STX8: variants seen among roughly 807,000 people sequenced by gnomAD.
STX8 encodes the protein syntaxin 8.
STX8 carries 23 observed loss-of-function variants against 37.5 expected under a neutral mutation model. The observed-to-expected ratio is 0.61, with a 90% CI of 0.44 to 0.87. STX8 has a LOEUF of 0.87. Ranked by LOEUF, STX8 falls within the 40% of genes least tolerant of loss-of-function variation. STX8 has a pLI of 0.00. For synonymous variants in STX8, 115 were observed against 99.1 expected (o/e 1.16, Z -0.95); for missense variants, 313 against 284.7 (o/e 1.10, Z -0.71).
At chr17:9,476,573 C>G (rs190883711) in intron 6 of STX8, among the ~76,000 whole-genome samples, 70 of 152,110 alleles carry the variant, frequency 4.6e-4, no homozygotes, top group African/African-American at 1.6e-3. Context: ...CTGGCTCAGC[C>G]TCCCAAGTAG....
chr17:9,531,600 G>T lies in STX8; in HGVS notation c.323+13572C>A, dbSNP rs77569943. On this transcript the variant is annotated intron_variant, in intron 4 of 7. Transcript: ENST00000306357. ...CATTACAGTATTAAACTTTACCATGGGTATATATTCACAAGTAAAAATATA... is the reference window on the plus strand; with the variant it reads ...CATTACAGTATTAAACTTTACCATGTGTATATATTCACAAGTAAAAATATA... 8.2e-3 allele frequency among the ~76,000 whole-genome samples: 1,254 copies of T among 152,056 alleles called. 23 individuals carry two copies. The highest frequency in any genetic ancestry group is 0.028 in the African/African-American group (1,165 of 41,460).
intron 7 of STX8, among the ~76,000 whole-genome samples, chr17:9,317,636 G>A (rs914921670): frequency 6.6e-6 from 1 of 152,054 alleles, no homozygotes; most frequent in Non-Finnish European, 1.5e-5. Context: ...CATGGTGGCA[G>A]GCACCTGTAG....
At position 9,518,695 on chromosome 17, in the gene STX8, C is replaced by T. The variant is rs561721212; in HGVS notation, c.324-13533G>A. 2.0e-3 allele frequency among the ~76,000 whole-genome samples: 306 copies of T among 151,962 alleles called. 2 individuals are homozygous for T. Among genetic ancestry groups the T allele is most frequent in the Non-Finnish European group, 3.6e-3 (246 of 67,958 alleles). On this transcript the variant is annotated intron_variant, in intron 4 of 7. Coordinates refer to ENST00000306357, the MANE Select transcript of STX8 (RefSeq NM_004853.3). ...CAGCCTGGCCAACATGGTGAAACCC[C>T]GTCTCTACTAAAAATACAAAAAATT...
chr17:9,414,120 A>ACCCATCTG, intron 6 of STX8, among the ~76,000 whole-genome samples: 1 of 8,740 alleles, frequency 1.1e-4, no homozygotes, highest in South Asian at 4.8e-3. Flanking sequence ...CCATCCATCC[A>ACCCATCTG]TCCATCCAAC....
Position 9,471,031 on chromosome 17 carries a change from C to CTTTTTTTTTTTTTTTTTTTTTT in STX8, c.541+20776_541+20797dup, listed in dbSNP as rs757411419. On this transcript the variant is annotated intron_variant, in intron 6 of 7. Coordinates refer to ENST00000306357, the MANE Select transcript of STX8 (RefSeq NM_004853.3). ...TACAGGCGTGAGCCACTGCATCCTG[C>CTTTTTTTTTTTTTTTTTTTTTT]TTTTTTTTTTTTTTTTTTTTTTTGA... Among the ~76,000 whole-genome samples, 55 of 33,054 alleles carry CTTTTTTTTTTTTTTTTTTTTTT rather than the reference C, an allele frequency of 1.7e-3. 10 individuals carry two copies. The highest frequency in any genetic ancestry group is 6.6e-3 in the East Asian group (7 of 1,066). 21.7% of individuals were successfully genotyped at this position (33,054 alleles called of 152,430 possible). A position where few individuals can be genotyped will look rare whatever the true frequency, so the allele number is the denominator to read the frequency against.
At chr17:9,393,297 G>A (rs1209892639) in intron 6 of STX8, among the ~76,000 whole-genome samples, 1 of 152,136 alleles carries the variant, frequency 6.6e-6, no homozygotes, top group Non-Finnish European at 1.5e-5. Flanking sequence ...TACTCTAGAC[G>A]AAGAAGTACT....
At chr17:9,320,905 A>C (rs1909553713) in intron 7 of STX8, among the ~76,000 whole-genome samples, 1 of 151,884 alleles carries the variant, frequency 6.6e-6, no homozygotes, top group African/African-American at 2.4e-5. Flanking sequence ...TTCCAAAAAA[A>C]AAAAAGAAAG....
intron 7 of STX8, among the ~76,000 whole-genome samples, chr17:9,312,200 TTTTTTTG>T (rs946538934): frequency 4.6e-5 from 7 of 150,936 alleles, no homozygotes; most frequent in African/African-American, 1.7e-4. Context: ...AGACTCTTTT[TTTTTTTG>T]TTTTTTGTTT....
At position 9,352,013 on chromosome 17, in the gene STX8, C is replaced by T. The variant is rs147877584; in HGVS notation, c.643+26539G>A. On this transcript the variant is annotated intron_variant, in intron 7 of 7. Coordinates refer to ENST00000306357, the MANE Select transcript of STX8 (RefSeq NM_004853.3). The stretch of plus-strand genomic sequence containing the variant: ...AAAAATACAAAAAATTAGCTGGGTA[C>T]GGTGGTGTGCGCCTATAGTCCCAGC... 3.4e-4 allele frequency among the ~76,000 whole-genome samples: 51 copies of T among 151,672 alleles called. No homozygotes were observed. The Middle Eastern group carries it at 0.01, about 31-fold the overall frequency.
intron 7 of STX8, among the ~76,000 whole-genome samples, chr17:9,265,976 A>C (rs1907217893): frequency 6.6e-6 from 1 of 152,142 alleles, no homozygotes. Context: ...CTTTCCCTCG[A>C]GTCCTAGGGA....
At chr17:9,355,036 C>T (rs948671872) in intron 7 of STX8, among the ~76,000 whole-genome samples, 3 of 152,210 alleles carry the variant, frequency 2.0e-5, no homozygotes, top group African/African-American at 4.8e-5. Context: ...TTGTCCCCTA[C>T]CTCCCACCCC....
intron 4 of STX8, among the ~76,000 whole-genome samples, chr17:9,519,841 T>G (rs144669538): frequency 0.011 from 1,598 of 143,710 alleles, 23 homozygotes; most frequent in African/African-American, 0.038. Context: ...ATTCTATTCA[T>G]TCCCCTAAGG....
chr17:9,506,405 G>GCCC (rs1471640649), intron 4 of STX8, among the ~76,000 whole-genome samples: 44 of 8,920 alleles, frequency 4.9e-3, no homozygotes, highest in Admixed American at 7.7e-3. Flanking sequence ...GTGCTCACCC[G>GCCC]CTCCCCCCCC....
intron 7 of STX8, among the ~76,000 whole-genome samples, chr17:9,314,449 G>C (rs973038050): frequency 2.6e-5 from 4 of 152,046 alleles, no homozygotes; most frequent in African/African-American, 7.2e-5. Context: ...CCAGTCTGGA[G>C]TGCAGTGATA....
chr17:9,379,371 G>A (rs1911713970), intron 6 of STX8, among the ~76,000 whole-genome samples: 1 of 151,926 alleles, frequency 6.6e-6, no homozygotes, highest in Admixed American at 6.6e-5. Flanking sequence ...ATGATGGAGA[G>A]AACCAAATCC....
chr17:9,372,678 A>G (rs1227701561), intron 7 of STX8, among the ~76,000 whole-genome samples: 3 of 149,912 alleles, frequency 2.0e-5, no homozygotes, highest in Non-Finnish European at 4.4e-5. Flanking sequence ...GGGTTTCAAC[A>G]TGTTGGCCAG....
intron 3 of STX8, among the ~76,000 whole-genome samples, chr17:9,545,833 G>C (rs1004386244): frequency 3.3e-5 from 5 of 152,146 alleles, no homozygotes; most frequent in African/African-American, 1.2e-4. Flanking sequence ...TGCCTGCCTT[G>C]GCCTCCCAAA....
intron 6 of STX8, among the ~76,000 whole-genome samples, chr17:9,442,074 T>C (rs7217686): frequency 0.27 from 41,058 of 152,024 alleles, 5,804 homozygotes; most frequent in African/African-American, 0.33. Flanking sequence ...CTGACACACC[T>C]AAGCTGAGAG....
At chr17:9,303,066 G>C (rs1490254615) in intron 7 of STX8, among the ~76,000 whole-genome samples, 1 of 151,772 alleles carries the variant, frequency 6.6e-6, no homozygotes, top group Non-Finnish European at 1.5e-5. Context: ...GGCCGAGGTG[G>C]GTGGATCACA....
Sources: allele counts gnomAD v4.1 joint callset (sites outside exome capture counted in the v4.1 genomes callset), GRCh38; gene constraint gnomAD v4.1.1; transcripts MANE v1.5; gene names NCBI Gene and HGNC (gene_info 2026-07-23, HGNC 2026-07-21).